MBD5: variants seen among roughly 807,000 people sequenced by gnomAD.
MBD5 encodes the protein methyl-CpG binding domain protein 5.
In MBD5, 13 loss-of-function variants were observed where a neutral mutation model predicts 117.3. That is an observed-to-expected ratio of 0.11 (90% confidence interval 0.07 to 0.18). The LOEUF is 0.18. Ranked by LOEUF, MBD5 falls within the 10% of genes least tolerant of loss-of-function variation. The probability of loss-of-function intolerance (pLI) is 1.00; values close to 1 mark genes in which losing one functional copy is unlikely to be tolerated. For synonymous variants in MBD5, 727 were observed against 766.4 expected, an observed-to-expected ratio of 0.95 and a Z score of 0.85; for missense variants, 1,879 against 2,093.8, an observed-to-expected ratio of 0.90 and a Z score of 2.00.
intron 4 of MBD5, among the ~76,000 whole-genome samples, chr2:148,428,221 ATCATGAGTGAACTCCCAT>A (rs1490622084): frequency 1.3e-5 from 2 of 152,244 alleles, no homozygotes; most frequent in African/African-American, 4.8e-5. Flanking sequence ...AGAGAGCCAA[ATCATGAGTGAACTCCCAT>A]TCACAATTGC....
At chr2:148,375,572 A>G (rs1703967136) in intron 4 of MBD5, among the ~76,000 whole-genome samples, 1 of 152,152 alleles carries the variant, frequency 6.6e-6, no homozygotes, top group Non-Finnish European at 1.5e-5. Flanking sequence ...TTGCTGGGAT[A>G]TGGGGTACTT....
Position 148,078,687 on chromosome 2 carries a change from T to C in MBD5, c.-925+57003T>C, listed in dbSNP as rs917871525. ...AAATAGCGTAAGTATATATTATCCA[T>C]TGGAACATCTAACATATATTCTTTG... On this transcript the variant is annotated intron_variant, in intron 1 of 13. Transcript: ENST00000642680. 1.7e-4 allele frequency among the ~76,000 whole-genome samples: 26 copies of C among 152,222 alleles called. 1 individual carries two copies. The highest frequency in any genetic ancestry group is 6.3e-4 in the African/African-American group (26 of 41,454).
intron 4 of MBD5, among the ~76,000 whole-genome samples, chr2:148,395,766 C>T (rs117650697): frequency 4.2e-4 from 64 of 152,252 alleles, no homozygotes; most frequent in Middle Eastern, 3.4e-3. Flanking sequence ...CATTAACCAA[C>T]GTGTATGCCT....
intron 3 of MBD5, among the ~76,000 whole-genome samples, chr2:148,248,926 G>A (rs1700405299): frequency 6.6e-6 from 1 of 152,030 alleles, no homozygotes; most frequent in Non-Finnish European, 1.5e-5. Context: ...TTTTCAATAA[G>A]TATACTGGGA....
intron 3 of MBD5, among the ~76,000 whole-genome samples, chr2:148,238,492 G>A (rs1194642236): frequency 6.6e-6 from 1 of 152,070 alleles, no homozygotes; most frequent in African/African-American, 2.4e-5. Context: ...TGTTTATTTG[G>A]TCTGAAAAAT....
At position 148,485,966 on chromosome 2, in the gene MBD5, G is replaced by T; in HGVS notation, c.3753+16G>T. ...GAACTTTCAGGTACTCTCCTCTGCT[G>T]TGTCATTTTAGAAGAAAACAATGTC... On this transcript the variant is annotated intron_variant, in intron 10 of 13. Transcript: ENST00000642680. 2 of 1,609,488 alleles carry T rather than the reference G, an allele frequency of 1.2e-6. No homozygotes were observed. The highest frequency in any genetic ancestry group is 2.2e-5 in the South Asian group (2 of 90,982).
intron 4 of MBD5, among the ~76,000 whole-genome samples, chr2:148,385,493 C>T (rs1012957159): frequency 6.6e-6 from 1 of 152,056 alleles, no homozygotes; most frequent in Admixed American, 6.6e-5. Context: ...GAAATAGGAA[C>T]ACTTTTACAC....
At chr2:148,209,247 G>A (rs752047066) in intron 2 of MBD5, among the ~76,000 whole-genome samples, 15 of 152,030 alleles carry the variant, frequency 9.9e-5, no homozygotes, top group Non-Finnish European at 8.8e-5. Flanking sequence ...GAATGTTTCT[G>A]TCTACCCAAA....
chr2:148,244,573 CAAAT>C (rs1257055154), intron 3 of MBD5, among the ~76,000 whole-genome samples: 1 of 152,000 alleles, frequency 6.6e-6, no homozygotes, highest in Non-Finnish European at 1.5e-5. Flanking sequence ...GTTGAAAACT[CAAAT>C]AAGTGCTTAG....
chr2:148,097,344 A>G (rs561966323), intron 1 of MBD5, among the ~76,000 whole-genome samples: 13 of 152,316 alleles, frequency 8.5e-5, no homozygotes, highest in African/African-American at 1.7e-4. Flanking sequence ...AACGCCTTCT[A>G]TGTTTCAAGC....
intron 3 of MBD5, among the ~76,000 whole-genome samples, chr2:148,326,132 G>C (rs1469936330): frequency 1.3e-5 from 2 of 152,162 alleles, no homozygotes; most frequent in Non-Finnish European, 2.9e-5. Flanking sequence ...CAGTTTCCTT[G>C]TAGGTGAGTG....
chr2:148,239,031 CGTGTGTGTGTATGAGTGTGTATATAT>C (rs1558986088), intron 3 of MBD5, among the ~76,000 whole-genome samples: 3 of 149,408 alleles, frequency 2.0e-5, no homozygotes, highest in African/African-American at 7.4e-5. Context: ...CACACACACA[CGTGTGTGTGTATGAGTGTGTATATAT>C]GTGTGTGTAT....
intron 3 of MBD5, among the ~76,000 whole-genome samples, chr2:148,341,821 C>T (rs1251877542): frequency 7.3e-6 from 1 of 137,170 alleles, no homozygotes; most frequent in Non-Finnish European, 1.6e-5. Context: ...CAGTACCTGG[C>T]ACAGAGCAAT....
At chr2:148,258,791 C>T (rs1372185350) in intron 3 of MBD5, among the ~76,000 whole-genome samples, 1 of 152,220 alleles carries the variant, frequency 6.6e-6, no homozygotes, top group East Asian at 1.9e-4. Flanking sequence ...ATGAGCGTGT[C>T]ACTTGTTGAG....
chr2:148,105,429 G>C (rs1394188147), intron 1 of MBD5, among the ~76,000 whole-genome samples: 2 of 152,060 alleles, frequency 1.3e-5, no homozygotes, highest in East Asian at 3.9e-4. Context: ...ATGTTGGTCA[G>C]GTTGGTCTCG....
At chr2:148,329,313 T>C (rs1426343182) in intron 3 of MBD5, among the ~76,000 whole-genome samples, 1 of 152,198 alleles carries the variant, frequency 6.6e-6, no homozygotes, top group Non-Finnish European at 1.5e-5. Context: ...TAGACATAAA[T>C]AGATAGATAA....
chr2:148,301,341 A>G (rs990319839), intron 3 of MBD5, among the ~76,000 whole-genome samples: 6 of 152,202 alleles, frequency 3.9e-5, no homozygotes, highest in Non-Finnish European at 8.8e-5. Flanking sequence ...GGAAATTGTT[A>G]GAGGAATTAA....
intron 2 of MBD5, among the ~76,000 whole-genome samples, chr2:148,218,015 A>G (rs1452523349): frequency 6.6e-6 from 1 of 152,194 alleles, no homozygotes; most frequent in Admixed American, 6.5e-5. Flanking sequence ...GTATATAGAC[A>G]ATATAGACAA....
chr2:148,307,520 A>T (rs1701923008), intron 3 of MBD5, among the ~76,000 whole-genome samples: 1 of 152,190 alleles, frequency 6.6e-6, no homozygotes, highest in Admixed American at 6.5e-5. Context: ...GTGAAAACAC[A>T]TTTTTAAATC....
Sources: gnomAD v4.1 joint callset for allele counts (sites outside exome capture counted in the v4.1 genomes callset) on GRCh38, gnomAD v4.1.1 for gene constraint, MANE v1.5 for transcripts, NCBI Gene and HGNC (gene_info 2026-07-23, HGNC 2026-07-21) for gene names.